Variants in CRYBG2 observed in about 807,000 individuals in gnomAD.
CRYBG2 encodes crystallin beta-gamma domain containing 2.
In CRYBG2, 106 loss-of-function variants were observed where a neutral mutation model predicts 153.4. That is an observed-to-expected ratio of 0.69 (90% CI 0.59 to 0.81). CRYBG2 has a LOEUF of 0.81. CRYBG2 is among the 30% of genes least tolerant of loss of function. CRYBG2 has a pLI of 0.00. For synonymous variants in CRYBG2, 851 were observed against 877.8 expected, an observed-to-expected ratio of 0.97 and a Z score of 0.54; for missense variants, 1,996 against 2,112.0, an observed-to-expected ratio of 0.95 and a Z score of 1.08.
rs1271668198 is a variant in CRYBG2 at position 26,344,465 on chromosome 1, C to T, written c.2193G>A (p.Glu731=). ...GTPAPVPTGA[E]ASTESQLVSD... is the part of the protein sequence containing the mutation. ...AGACAAGCTGGGACTCCGTGCTGGC[C>T]TCTGCTCCTGTTGGCACTGGGGCAG... Residue 731 remains glutamate (E), a synonymous_variant, in exon 2 of 20, where the codon GAG becomes GAA. Coordinates refer to ENST00000308182, the MANE Select transcript of CRYBG2 (RefSeq NM_001039775.4). 4.6e-6 allele frequency: 7 copies of T among 1,536,144 alleles called. No homozygotes were observed. The South Asian group carries it at 7.3e-5, about 16-fold the overall frequency.
rs755536256 is a variant in CRYBG2 at position 26,338,449 on chromosome 1, C to T, written c.3373G>A (p.Glu1125Lys). ...GGTTCCAGGATGTAGGGAGTGTCTT[C>T]GAATAATGGTTTGGGGTACAGTAGC... ...LWLLYPKPLF[E>K]DTPYILEPGE... The change falls in exon 7 of 20, where the codon GAA (glutamate) becomes AAA (lysine). Residue 1125 changes from glutamate (E) to lysine (K), a missense_variant. Physicochemically the swap from Glu to Lys is moderately conservative, Grantham distance 56 (BLOSUM62 1). Coordinates refer to ENST00000308182, the MANE Select transcript of CRYBG2 (RefSeq NM_001039775.4). 12 of 1,612,426 alleles carry T rather than the reference C, an allele frequency of 7.4e-6. No individual in the cohort carries two copies. In the Admixed American group the frequency reaches 1.0e-4, roughly 13 times the overall value.
rs576531372 is a variant in CRYBG2 at position 26,322,166 on chromosome 1, T to C, written c.4895A>G (p.Lys1632Arg). 1.4e-4 allele frequency: 227 copies of C among 1,613,372 alleles called. 1 individual carries two copies. The South Asian group carries it at 2.3e-3, about 16-fold the overall frequency. Residue 1632 changes from lysine (K) to arginine (R), a missense_variant and splice_region_variant, in exon 19 of 20, where the codon AAG becomes AGG. Coordinates refer to ENST00000308182, the MANE Select transcript of CRYBG2 (RefSeq NM_001039775.4). Reference protein sequence around the residue: ...QMFEGQILDVKGGRGYDRDHV... With the variant: ...QMFEGQILDVRGGRGYDRDHV... Reference sequence around the variant, plus strand: ...CTTCCCCATACATCCCACCTTACCCTTCACGTCCAGGATCTGGCCTTCGAA... The same window carrying C: ...CTTCCCCATACATCCCACCTTACCCCTCACGTCCAGGATCTGGCCTTCGAA...
At position 26,347,656 on chromosome 1, in the gene CRYBG2, A is replaced by AT. The variant is rs1298198024; in HGVS notation, c.-55-945dup. Among the ~76,000 whole-genome samples the AT allele has an allele frequency of 2.0e-5, 3 of 151,408 alleles. No homozygotes were observed. The East Asian group carries it at 5.8e-4, about 29-fold the overall frequency. On this transcript the variant is annotated intron_variant, in intron 1 of 19. Transcript: ENST00000308182. ...AGGTGCCCTCCACCACGCCCAGATA[A>AT]TTTTTTTGTATTTTTTGTAGAGACG...
rs1182948038 is a variant in CRYBG2, at chr1:26,346,713, C to T, written c.-55-1G>A. On this transcript the variant is annotated splice_acceptor_variant, in intron 1 of 19. Coordinates refer to ENST00000308182, the MANE Select transcript of CRYBG2 (RefSeq NM_001039775.4). LOFTEE classifies it low-confidence loss of function (5UTR_SPLICE). The surrounding 1 kb of genome is among the most constrained non-coding windows in gnomAD (Gnocchi z 4.9). ...CCTTGTCCCACTGTGGTCCAGCTCC[C>T]TGCAGAGGAATAAGAAAGATGAGGG... 2 of 1,457,118 alleles carry T rather than the reference C, an allele frequency of 1.4e-6. No homozygotes were observed. The highest frequency in any genetic ancestry group is 2.8e-5 in the Admixed American group (1 of 36,172). 90.3% of individuals were successfully genotyped at this position (1,457,118 alleles called of 1,614,324 possible). A position where few individuals can be genotyped will look rare whatever the true frequency, so the allele number is the denominator to read the frequency against.
At position 26,346,135 on chromosome 1, in the gene CRYBG2, T is replaced by A. The variant is rs1557719791; in HGVS notation, c.523A>T (p.Thr175Ser). 1 of 1,559,972 alleles carries A rather than the reference T, an allele frequency of 6.4e-7. No individual in the cohort carries two copies. The highest frequency in any genetic ancestry group is 2.3e-5 in the East Asian group (1 of 44,370). Residue 175 changes from threonine (T) to serine (S), a missense_variant, in exon 2 of 20, where the codon ACA becomes TCA. By Grantham distance (58) the Thr-to-Ser change is moderately conservative (BLOSUM62 1). Coordinates refer to ENST00000308182, the MANE Select transcript of CRYBG2 (RefSeq NM_001039775.4). The surrounding 1 kb of genome is among the most constrained non-coding windows in gnomAD (Gnocchi z 4.9). ...SSRSLEEYRVTRTVRTTTVVG... is the reference protein window; with the variant it reads ...SSRSLEEYRVSRTVRTTTVVG... ...ACTGTGGTGGTCCGCACAGTGCGTG[T>A]CACTCGGTATTCCTCGAGGCTCCGG...
Position 26,344,635 on chromosome 1 carries a change from G to C in CRYBG2, c.2023C>G (p.Leu675Val). ...TGGACCCCCTTATCCTGTTTGGGGAGTGAGGTGGCAGGAGCAATTGGGCCT... is the reference window on the plus strand; with the variant it reads ...TGGACCCCCTTATCCTGTTTGGGGACTGAGGTGGCAGGAGCAATTGGGCCT... Reference protein sequence around the residue: ...VQGPIAPATSLPKQDKGVQDS... With the variant: ...VQGPIAPATSVPKQDKGVQDS... Residue 675 changes from leucine to valine, a missense_variant, in exon 2 of 20, where the codon CTC (leucine) becomes GTC (valine). Physicochemically the swap from Leu to Val is conservative, Grantham distance 32. Transcript: ENST00000308182. 6.5e-7 allele frequency: 1 copy of C among 1,535,898 alleles called. No homozygotes were observed. The highest frequency in any genetic ancestry group is 8.7e-7 in the Non-Finnish European group (1 of 1,146,760).
Position 26,346,919 on chromosome 1 carries a change from G to A in CRYBG2, c.-55-207C>T, listed in dbSNP as rs1315898505. On this transcript the variant is annotated intron_variant, in intron 1 of 19. Transcript: ENST00000308182. The surrounding 1 kb of genome is among the most constrained non-coding windows in gnomAD (Gnocchi z 4.9). ...GAGCCCCTCATCCATCCCTCTCCCT[G>A]ACTTTCAGGTGATCTCCTAGGTCAG... is the stretch of plus-strand genomic sequence containing the variant. Among the ~76,000 whole-genome samples, 2 of 152,156 alleles carry A rather than the reference G, an allele frequency of 1.3e-5. No homozygotes were observed. Among genetic ancestry groups the A allele is most frequent in the Admixed American group, 1.3e-4 (2 of 15,270 alleles).
rs2074194723 is a variant in CRYBG2, at chr1:26,345,151, C to T, written c.1507G>A (p.Ala503Thr). 1 of 1,138,510 alleles carries T rather than the reference C, an allele frequency of 8.8e-7. No homozygotes were observed. Among genetic ancestry groups the T allele is most frequent in the Admixed American group, 2.3e-5 (1 of 42,732 alleles). The allele number at this position is 1,138,510 out of a possible 1,614,324, so 70.5% of individuals were successfully genotyped here. A position where few individuals can be genotyped will look rare whatever the true frequency, so the allele number is the denominator to read the frequency against. ...TWKEVVKGPGAPAASSPTQKE... is the reference protein window; with the variant it reads ...TWKEVVKGPGTPAASSPTQKE... ...TGGGTGGGAGATGAGGCAGCAGGAG[C>T]ACCAGGGCCCTTCACGACCTCTTTC... The change falls in exon 2 of 20, where the codon GCT becomes ACT. Residue 503 changes from alanine (A) to threonine (T), a missense_variant. Ala to Thr is a moderately conservative substitution (Grantham distance 58, BLOSUM62 0). Coordinates refer to ENST00000308182, the MANE Select transcript of CRYBG2 (RefSeq NM_001039775.4).
chr1:26,346,525 C>T lies in CRYBG2; in HGVS notation c.133G>A (p.Ala45Thr), dbSNP rs1309067619. 1 of 1,613,324 alleles carries T rather than the reference C, an allele frequency of 6.2e-7. No homozygotes were observed. Among genetic ancestry groups the T allele is most frequent in the Non-Finnish European group, 8.5e-7 (1 of 1,179,704 alleles). ...GFHKVSLVSG[A>T]QMEAPQKEMF... ...TCCTTCTGCGGGGCTTCCATCTGGGCCCCTGACACCAGGGACACCTTGTGA... is the reference window on the plus strand; with the variant it reads ...TCCTTCTGCGGGGCTTCCATCTGGGTCCCTGACACCAGGGACACCTTGTGA... Residue 45 changes from alanine (A) to threonine (T), a missense_variant, in exon 2 of 20, where the codon GCC (alanine) becomes ACC (threonine). Transcript: ENST00000308182. The surrounding 1 kb of genome is among the most constrained non-coding windows in gnomAD (Gnocchi z 4.9).
intron 15 of CRYBG2, among the ~76,000 whole-genome samples, chr1:26,331,136 G>A (rs1162082042): frequency 1.3e-5 from 2 of 152,200 alleles, no homozygotes; most frequent in African/African-American, 2.4e-5. Flanking sequence ...CACCTTGGCA[G>A]CACTGGCCCC....
In CRYBG2 at chr1:26,336,570, A is replaced by T; in HGVS notation, c.4038+36T>A. On this transcript the variant is annotated intron_variant, in intron 12 of 19. Coordinates refer to ENST00000308182, the MANE Select transcript of CRYBG2 (RefSeq NM_001039775.4). This position sits in a 1 kb window ranked among gnomAD's most constrained non-coding sequence, Gnocchi z 4.9. ...GCGCACCCGAACTCCAGGTCCCGCC[A>T]CCGGGGAGGCCCCGCCCCCCGCGGC... 1 of 1,540,718 alleles carries T rather than the reference A, an allele frequency of 6.5e-7. No individual in the cohort carries two copies.
Position 26,328,782 on chromosome 1 carries a change from G to T in CRYBG2, c.4406C>A (p.Ala1469Asp), listed in dbSNP as rs1383784361. ...CAGCACATGGTTGTTGAAGCCCTCGGCTTGCAGGCTCCGCACCTCCCTGCT... is the reference window on the plus strand; with the variant it reads ...CAGCACATGGTTGTTGAAGCCCTCGTCTTGCAGGCTCCGCACCTCCCTGCT... ...ELSREVRSLQ[A>D]EGFNNHVLSV... Residue 1469 changes from alanine to aspartate, a missense_variant, in exon 16 of 20, where the codon GCC becomes GAC. Physicochemically the swap from Ala to Asp is moderately radical, Grantham distance 126. Transcript: ENST00000308182. 6.2e-7 allele frequency: 1 copy of T among 1,613,946 alleles called. No homozygotes were observed. The highest frequency in any genetic ancestry group is 1.3e-5 in the African/African-American group (1 of 74,888).
At position 26,344,597 on chromosome 1, in the gene CRYBG2, C is replaced by G. The variant is rs1307459216; in HGVS notation, c.2061G>C (p.Gly687=). 6.5e-7 allele frequency: 1 copy of G among 1,536,768 alleles called. No homozygotes were observed. Among genetic ancestry groups the G allele is most frequent in the Non-Finnish European group, 8.7e-7 (1 of 1,146,890 alleles). The part of the protein sequence containing the change: ...KQDKGVQDSE[G]SPISSLTQKE... ...TCTGGGTGAGAGATGAGATGGGGCT[C>G]CCTTCAGAGTCCTGGACCCCCTTAT... is the stretch of plus-strand genomic sequence containing the variant. The change falls in exon 2 of 20, where the codon GGG becomes GGC. Residue 687 remains glycine (G), a synonymous_variant. Transcript: ENST00000308182.
intron 19 of CRYBG2, 31 bp from the exon 20 acceptor site, chr1:26,322,087 G>A: frequency 6.3e-7 from 1 of 1,599,336 alleles, no homozygotes; most frequent in East Asian, 2.2e-5. Context: ...AAAAGATAGG[G>A]AGATAGTCAG....
intron 15 of CRYBG2, among the ~76,000 whole-genome samples, chr1:26,330,759 G>A (rs571993980): frequency 6.6e-6 from 1 of 151,848 alleles, no homozygotes; most frequent in Non-Finnish European, 1.5e-5. Context: ...AGCTGGTCTC[G>A]AACTCCTCAC....
rs758067253 is a variant in CRYBG2, at chr1:26,346,131, C to T, written c.527G>A (p.Arg176His). The change falls in exon 2 of 20, where the codon CGC (arginine) becomes CAC (histidine). Residue 176 changes from arginine to histidine, a missense_variant. Coordinates refer to ENST00000308182, the MANE Select transcript of CRYBG2 (RefSeq NM_001039775.4). The surrounding 1 kb of genome is among the most constrained non-coding windows in gnomAD (Gnocchi z 4.9). The part of the protein sequence containing the change: ...SRSLEEYRVT[R>H]TVRTTTVVGG... ...CACCACTGTGGTGGTCCGCACAGTG[C>T]GTGTCACTCGGTATTCCTCGAGGCT... 3.8e-6 allele frequency: 6 copies of T among 1,560,668 alleles called. No individual in the cohort carries two copies. The highest frequency in any genetic ancestry group is 5.2e-6 in the Non-Finnish European group (6 of 1,157,982).
rs1405878494 is a variant in CRYBG2, at chr1:26,344,862, A to G, written c.1796T>C (p.Val599Ala). 1 of 1,526,158 alleles carries G rather than the reference A, an allele frequency of 6.6e-7. No homozygotes were observed. Among genetic ancestry groups the G allele is most frequent in the African/African-American group, 1.4e-5 (1 of 69,290 alleles). 94.5% of individuals were successfully genotyped at this position (1,526,158 alleles called of 1,614,324 possible). The change falls in exon 2 of 20, where the codon GTT becomes GCT. Residue 599 changes from valine (V) to alanine (A), a missense_variant. Transcript: ENST00000308182. The stretch of plus-strand genomic sequence containing the variant: ...AGCAGGAGCACAGGGGCCCTTCACA[A>G]CCTCTTTCTGGGTGGGCGATGAGGC... ...PAASSPTQKE[V>A]VKGPCAPAAS...
At chr1:26,352,644 C>G (rs897413422) in intron 1 of CRYBG2, among the ~76,000 whole-genome samples, 11 of 152,034 alleles carry the variant, frequency 7.2e-5, no homozygotes, top group Non-Finnish European at 1.3e-4. Flanking sequence ...ACCTGCCCCC[C>G]ACTCTAAGTG....
At chr1:26,353,697 C>G (rs2074308910) in intron 1 of CRYBG2, among the ~76,000 whole-genome samples, 1 of 152,184 alleles carries the variant, frequency 6.6e-6, no homozygotes, top group Non-Finnish European at 1.5e-5. Flanking sequence ...AGCACCTAGG[C>G]TGGGTGCCAA....
Sources: gnomAD v4.1 joint callset for allele counts (sites outside exome capture counted in the v4.1 genomes callset) on GRCh38, gnomAD v4.1.1 for gene constraint, Gnocchi (gnomAD v3.1) non-coding constraint, MANE v1.5 for transcripts, NCBI Gene and HGNC (gene_info 2026-07-23, HGNC 2026-07-21) for gene names.